Variants in COL23A1 observed in about 807,000 individuals in gnomAD.
COL23A1 encodes collagen alpha-1(XXIII) chain.
COL23A1 carries 97 observed loss-of-function variants against 99.3 expected under a neutral mutation model. That is an observed-to-expected ratio of 0.98 (90% CI 0.83 to 1.16). The LOEUF is 1.16. COL23A1 is among the 50% of genes most tolerant of loss of function. COL23A1 has a pLI of 0.00. For synonymous variants in COL23A1, 320 were observed against 308.2 expected (o/e 1.04, Z -0.40); for missense variants, 762 against 757.4 (o/e 1.01, Z -0.07).
chr5:178,357,768 GTA>G (rs1459692072), intron 2 of COL23A1, among the ~76,000 whole-genome samples: 26 of 147,704 alleles, frequency 1.8e-4, no homozygotes, highest in African/African-American at 5.1e-4. Flanking sequence ...GTACGTGTAT[GTA>G]TGTGTGTATG....
chr5:178,513,776 C>T (rs1486425935), intron 2 of COL23A1, among the ~76,000 whole-genome samples: 2 of 152,134 alleles, frequency 1.3e-5, no homozygotes, highest in Non-Finnish European at 2.9e-5. Context: ...AAGGCCCCTC[C>T]CTCCATCTTC....
At chr5:178,531,452 A>G (rs747156793) in intron 2 of COL23A1, among the ~76,000 whole-genome samples, 1 of 152,182 alleles carries the variant, frequency 6.6e-6, no homozygotes, top group Non-Finnish European at 1.5e-5. Flanking sequence ...GTCAAGATGA[A>G]GGTCTGCCTG....
chr5:178,357,556 T>C (rs1366124091), intron 2 of COL23A1, among the ~76,000 whole-genome samples: 1 of 152,240 alleles, frequency 6.6e-6, no homozygotes, highest in East Asian at 1.9e-4. Flanking sequence ...CTCTGAATGA[T>C]ACCAAGAGGC....
chr5:178,561,727 T>C (rs1167929567), intron 1 of COL23A1: 1 of 153,412 alleles, frequency 6.5e-6, no homozygotes, highest in Non-Finnish European at 1.5e-5. Context: ...AAATCTGTGC[T>C]GACCTAAGTG....
chr5:178,266,864 C>A (rs1407639296), intron 8 of COL23A1, among the ~76,000 whole-genome samples: 1 of 152,230 alleles, frequency 6.6e-6, no homozygotes, highest in African/African-American at 2.4e-5. Context: ...GGGGTGGGGG[C>A]TGTTCCCCCA....
At chr5:178,301,392 A>G (rs1204392436) in intron 3 of COL23A1, among the ~76,000 whole-genome samples, 2 of 152,238 alleles carry the variant, frequency 1.3e-5, no homozygotes, top group Non-Finnish European at 2.9e-5. Flanking sequence ...ACATATTTAT[A>G]ATAACCAATA....
At chr5:178,516,571 C>G (rs570772163) in intron 2 of COL23A1, among the ~76,000 whole-genome samples, 1 of 152,366 alleles carries the variant, frequency 6.6e-6, no homozygotes, top group South Asian at 2.1e-4. Context: ...ACTCAACCTT[C>G]TAACCGTGCT....
At chr5:178,315,190 C>T (rs1243304084) in intron 2 of COL23A1, among the ~76,000 whole-genome samples, 2 of 152,068 alleles carry the variant, frequency 1.3e-5, no homozygotes, top group South Asian at 2.1e-4. Flanking sequence ...TTAAGGAGTC[C>T]GGACCCATGA....
chr5:178,342,311 CA>C (rs1760715891), intron 2 of COL23A1, among the ~76,000 whole-genome samples: 1 of 152,202 alleles, frequency 6.6e-6, no homozygotes, highest in Non-Finnish European at 1.5e-5. Context: ...TCGCTAGCAC[CA>C]AGGTGGTTTC....
intron 2 of COL23A1, among the ~76,000 whole-genome samples, chr5:178,364,540 C>T (rs1159013737): frequency 6.6e-6 from 1 of 151,526 alleles, no homozygotes; most frequent in Non-Finnish European, 1.5e-5. Flanking sequence ...CCATGATCAT[C>T]CCTCACGGGC....
At chr5:178,523,021 C>T (rs1760037943) in intron 2 of COL23A1, among the ~76,000 whole-genome samples, 1 of 151,744 alleles carries the variant, frequency 6.6e-6, no homozygotes, top group Non-Finnish European at 1.5e-5. Context: ...AAAACTCCAG[C>T]CAGGCGTGGT....
intron 21 of COL23A1, 96 bp downstream of exon 21, chr5:178,247,679 C>A (rs1010784698): frequency 1.3e-6 from 2 of 1,547,920 alleles, no homozygotes; most frequent in Non-Finnish European, 8.9e-7. Context: ...ACGAAGAAGC[C>A]CGCTCTCTCC....
chr5:178,312,313 C>T (rs376718872), intron 2 of COL23A1, among the ~76,000 whole-genome samples: 23 of 152,206 alleles, frequency 1.5e-4, no homozygotes, highest in African/African-American at 5.3e-4. Context: ...ACAGGCCAGC[C>T]AGGGCTCCAG....
At chr5:178,530,387 G>A (rs1760577508) in intron 2 of COL23A1, among the ~76,000 whole-genome samples, 1 of 152,080 alleles carries the variant, frequency 6.6e-6, no homozygotes, top group Non-Finnish European at 1.5e-5. Flanking sequence ...ACTTGACCCT[G>A]GAAAGTGGAG....
rs1758587523 is a variant in COL23A1 at position 178,310,036 on chromosome 5, C to G, written c.362-3117G>C. Among the ~76,000 whole-genome samples, 1 of 152,220 alleles carries G rather than the reference C, an allele frequency of 6.6e-6. No individual in the cohort carries two copies. Among genetic ancestry groups the G allele is most frequent in the Non-Finnish European group, 1.5e-5 (1 of 68,022 alleles). ...TCTCCTGAAAAGACTGCAAGTCCAG[C>G]AAGCTCCAGGGCTTAGGAGAGACAC... On this transcript the variant is annotated intron_variant, in intron 2 of 28. Coordinates refer to ENST00000390654, the MANE Select transcript of COL23A1 (RefSeq NM_173465.4). This position sits in a 1 kb window ranked among gnomAD's most constrained non-coding sequence, Gnocchi z 4.3.
chr5:178,388,010 G>A (rs113042464), intron 2 of COL23A1, among the ~76,000 whole-genome samples: 5 of 152,240 alleles, frequency 3.3e-5, no homozygotes, highest in African/African-American at 1.2e-4. Flanking sequence ...ACCGCCCACC[G>A]ACACTGCTCC....
intron 2 of COL23A1, among the ~76,000 whole-genome samples, chr5:178,345,522 A>ATT (rs34350142): frequency 1.4e-4 from 20 of 143,096 alleles, no homozygotes; most frequent in South Asian, 4.4e-4. Context: ...TGCTGACACC[A>ATT]TTTTTTTTTT....
intron 2 of COL23A1, among the ~76,000 whole-genome samples, chr5:178,506,514 C>T (rs1758881606): frequency 6.6e-6 from 1 of 152,176 alleles, no homozygotes; most frequent in African/African-American, 2.4e-5. Flanking sequence ...ATGCCTGGGC[C>T]AACAAGGAAC....
intron 2 of COL23A1, among the ~76,000 whole-genome samples, chr5:178,526,250 C>T (rs2113141519): frequency 6.6e-6 from 1 of 152,300 alleles, no homozygotes; most frequent in Admixed American, 6.5e-5. Flanking sequence ...CGGGAACTGC[C>T]CCTTTGCCTG....
Sources: gnomAD v4.1 joint callset for allele counts (sites outside exome capture counted in the v4.1 genomes callset) on GRCh38, gnomAD v4.1.1 for gene constraint, Gnocchi (gnomAD v3.1) non-coding constraint, MANE v1.5 for transcripts, NCBI Gene and HGNC (gene_info 2026-07-23, HGNC 2026-07-21) for gene names.